SNX24: variants seen among roughly 807,000 people sequenced by gnomAD.
SNX24 encodes sorting nexin 24, also known as sorting nexin-24.
A neutral mutation model predicts 28.7 loss-of-function variants in SNX24; 22 were observed. The ratio of observed to expected loss-of-function variants is 0.77; its 90% CI spans 0.55 to 1.10. The LOEUF is 1.10. Ranked by LOEUF, SNX24 falls within the 50% of genes least tolerant of loss-of-function variation. SNX24 has a pLI of 0.00. For synonymous variants in SNX24, 69 were observed against 71.5 expected (o/e 0.96, Z 0.18); for missense variants, 221 against 201.1 (o/e 1.10, Z -0.60).
At chr5:122,936,648 G>C (rs1055398563) in intron 1 of SNX24, 86 bp from the exon 2 acceptor site, 8 of 774,306 alleles carry the variant, frequency 1.0e-5, no homozygotes, top group Non-Finnish European at 1.5e-5. Flanking sequence ...TTAAAGGGAT[G>C]AAATATATCA....
At chr5:122,848,090 C>T (rs566683934) in intron 1 of SNX24, among the ~76,000 whole-genome samples, 3 of 151,958 alleles carry the variant, frequency 2.0e-5, no homozygotes, top group African/African-American at 7.2e-5. Flanking sequence ...TTTACTTTAG[C>T]GATTATGTTT....
At chr5:123,010,581 C>T (rs534231057), downstream of SNX24, among the ~76,000 whole-genome samples, 1 of 152,128 alleles carries the variant, frequency 6.6e-6, no homozygotes, top group African/African-American at 2.4e-5. Flanking sequence ...GCCACCGTGC[C>T]CAGCCAGAAC....
chr5:122,856,822 T>A (rs1755216190), intron 1 of SNX24, among the ~76,000 whole-genome samples: 1 of 152,036 alleles, frequency 6.6e-6, no homozygotes, highest in Admixed American at 6.6e-5. Context: ...GGTCTGTTAC[T>A]TAATGGTTAA....
At chr5:122,969,030 T>C (rs1344754448) in intron 3 of SNX24, among the ~76,000 whole-genome samples, 1 of 152,154 alleles carries the variant, frequency 6.6e-6, no homozygotes, top group Non-Finnish European at 1.5e-5. Flanking sequence ...GTTTGGAAAA[T>C]ACTGGTCTAA....
At chr5:122,962,478 T>C (rs1760524619) in intron 3 of SNX24, among the ~76,000 whole-genome samples, 1 of 152,256 alleles carries the variant, frequency 6.6e-6, no homozygotes, top group Non-Finnish European at 1.5e-5. Flanking sequence ...TGAAACCATC[T>C]ATACGTATTA....
chr5:122,919,784 A>G (rs955021000), intron 1 of SNX24, among the ~76,000 whole-genome samples: 14 of 152,166 alleles, frequency 9.2e-5, no homozygotes, highest in African/African-American at 3.4e-4. Context: ...CTGATACACT[A>G]GCTCCCCTCC....
chr5:123,029,179 A>T (rs745339085), intron 5 of SNX24: 4 of 1,532,660 alleles, frequency 2.6e-6, no homozygotes, highest in Non-Finnish European at 2.6e-6. Context: ...TTAATTGGAA[A>T]ATAAAGTCAA....
At chr5:122,945,686 T>A (rs1432488621) in intron 2 of SNX24, among the ~76,000 whole-genome samples, 1 of 152,230 alleles carries the variant, frequency 6.6e-6, no homozygotes, top group Non-Finnish European at 1.5e-5. Context: ...AGACTTCTTA[T>A]CAGCAAAGTC....
chr5:122,956,223 T>C (rs1760203305), intron 3 of SNX24, among the ~76,000 whole-genome samples: 1 of 152,146 alleles, frequency 6.6e-6, no homozygotes. Flanking sequence ...TTCTATTATA[T>C]GTGGTGCCAG....
At chr5:122,997,154 G>T (rs1735311215) in intron 3 of SNX24, among the ~76,000 whole-genome samples, 1 of 152,154 alleles carries the variant, frequency 6.6e-6, no homozygotes, top group South Asian at 2.1e-4. Flanking sequence ...AAATTCTTCT[G>T]TATTTTACTT....
At chr5:122,949,122 T>C (rs780290414) in intron 3 of SNX24, among the ~76,000 whole-genome samples, 1 of 152,228 alleles carries the variant, frequency 6.6e-6, no homozygotes, top group Non-Finnish European at 1.5e-5. Context: ...TCTGAGATTT[T>C]AAACAAAGGA....
rs1762898259 is a variant in SNX24 at position 123,028,691 on chromosome 5, G to A, written n.384-547G>A. On this transcript the variant is annotated intron_variant and non_coding_transcript_variant, in intron 5 of 5. Transcript: ENST00000502387. ...TTTACAACTGTGTTCCTTAGCTCTG[G>A]ATTTCAACAGACTGGGTTCATATAC... 5.3e-6 allele frequency: 6 copies of A among 1,127,460 alleles called. No homozygotes were observed. In the Admixed American group the frequency reaches 1.3e-4, roughly 25 times the overall value. 69.8% of individuals were successfully genotyped at this position (1,127,460 alleles called of 1,614,324 possible).
chr5:122,851,011 G>T (rs908076376), intron 1 of SNX24, among the ~76,000 whole-genome samples: 1 of 152,174 alleles, frequency 6.6e-6, no homozygotes, highest in East Asian at 1.9e-4. Context: ...ATGGACAGCA[G>T]TCCATTCTAA....
At chr5:122,858,587 C>T (rs1368992566) in intron 1 of SNX24, among the ~76,000 whole-genome samples, 2 of 152,144 alleles carry the variant, frequency 1.3e-5, no homozygotes, top group Admixed American at 6.6e-5. Context: ...TAGCTGATGT[C>T]GTCAAATTCC....
chr5:122,925,351 C>T (rs1758649375), intron 1 of SNX24, among the ~76,000 whole-genome samples: 1 of 150,154 alleles, frequency 6.7e-6, no homozygotes, highest in African/African-American at 2.5e-5. Context: ...GATGAACCCC[C>T]TGGGCTCTAG....
At chr5:122,954,201 A>C (rs202094418) in intron 3 of SNX24, among the ~76,000 whole-genome samples, 36 of 92,928 alleles carry the variant, frequency 3.9e-4, no homozygotes, top group African/African-American at 1.4e-3. Flanking sequence ...CTCTCTCTAT[A>C]TATATATAGT....
intron 5 of SNX24, chr5:123,024,044 G>T: frequency 6.3e-7 from 1 of 1,577,362 alleles, no homozygotes; most frequent in East Asian, 2.3e-5. Flanking sequence ...ATTCTGACCA[G>T]CAGCTATAGC....
intron 5 of SNX24, chr5:123,023,585 AT>A (rs1340832647): frequency 1.4e-5 from 3 of 209,170 alleles, no homozygotes; most frequent in African/African-American, 2.3e-5. Context: ...CAGAAAAAAA[AT>A]ATTGCATTAA....
At chr5:122,869,473 A>G (rs1755880156) in intron 1 of SNX24, among the ~76,000 whole-genome samples, 2 of 152,252 alleles carry the variant, frequency 1.3e-5, no homozygotes, top group African/African-American at 2.4e-5. Context: ...GCTGTGTTAC[A>G]GGTCAAGGTG....
Sources: gnomAD v4.1 joint callset for allele counts (sites outside exome capture counted in the v4.1 genomes callset) on GRCh38, gnomAD v4.1.1 for gene constraint, MANE v1.5 for transcripts, NCBI Gene and HGNC (gene_info 2026-07-23, HGNC 2026-07-21) for gene names.